Variants in MUC5AC observed in about 807,000 individuals in gnomAD.
MUC5AC encodes the protein mucin 5AC, oligomeric mucus/gel-forming.
In MUC5AC, 158 loss-of-function variants were observed where a neutral mutation model predicts 169.7. The observed-to-expected ratio is 0.93, with a 90% CI of 0.82 to 1.06. The LOEUF (loss-of-function observed/expected upper bound fraction) is 1.06. MUC5AC is among the 50% of genes least tolerant of loss of function. MUC5AC has a pLI of 0.00. For missense variants in MUC5AC, 4,359 were observed against 3,089.9 expected (o/e 1.41, Z -9.74); for synonymous variants, 1,975 against 1,237.0 (o/e 1.60, Z -12.52).
Position 1,195,234 on chromosome 11 carries a change from C to T in MUC5AC, c.15413C>T (p.Pro5138Leu). The stretch of plus-strand genomic sequence containing the variant: ...ACCACGGTCGGGCCCACCACACCGC[C>T]TGCTCCGTGCCTGCCATCACCCATC... ...GSTTVGPTTP[P>L]APCLPSPICQ... The change falls in exon 36 of 49, where the codon CCT becomes CTT. Residue 5138 changes from proline to leucine, a missense_variant. Transcript: ENST00000621226. 1 of 760,554 alleles carries T rather than the reference C, an allele frequency of 1.3e-6. No individual in the cohort carries two copies. Among genetic ancestry groups the T allele is most frequent in the Non-Finnish European group, 2.4e-6 (1 of 416,348 alleles). 47.1% of individuals were successfully genotyped at this position (760,554 alleles called of 1,614,324 possible).
chr11:1,192,448 G>C lies in MUC5AC; in HGVS notation c.14303G>C (p.Ser4768Thr), dbSNP rs199611002. ...ASVASTSVAS[S>T]SVASSSVAYS... ...GTGGCATCCACCTCTGTGGCATCCA[G>C]CTCTGTGGCATCCAGCTCTGTGGCT... is the stretch of plus-strand genomic sequence containing the variant. The change falls in exon 31 of 49, where the codon AGC becomes ACC. Residue 4768 changes from serine to threonine, a missense_variant. Ser to Thr is a moderately conservative substitution (Grantham distance 58, BLOSUM62 1). Transcript: ENST00000621226. 76 of 764,676 alleles carry C rather than the reference G, an allele frequency of 9.9e-5. No homozygotes were observed. Among genetic ancestry groups the C allele is most frequent in the Non-Finnish European group, 1.5e-4 (62 of 417,786 alleles). The allele number at this position is 764,676 out of a possible 1,614,324, so 47.4% of individuals were successfully genotyped here.
Position 1,193,510 on chromosome 11 carries a change from A to G in MUC5AC, c.14606A>G (p.Asn4869Ser), listed in dbSNP as rs1315888196. ...AAAGGTGAGACCTGGGCCACACCCA[A>G]CTGCTCCGAGGCCACCTGTGAGGGC... The part of the protein sequence containing the change: ...RKKGETWATP[N>S]CSEATCEGNN... The change falls in exon 33 of 49, where the codon AAC becomes AGC. Residue 4869 changes from asparagine (N) to serine (S), a missense_variant. Coordinates refer to ENST00000621226, the MANE Select transcript of MUC5AC (RefSeq NM_001304359.2). 1.3e-6 allele frequency: 1 copy of G among 752,402 alleles called. No individual in the cohort carries two copies. The highest frequency in any genetic ancestry group is 2.4e-6 in the Non-Finnish European group (1 of 412,230). 46.6% of individuals were successfully genotyped at this position (752,402 alleles called of 1,614,324 possible). A position where few individuals can be genotyped will look rare whatever the true frequency, so the allele number is the denominator to read the frequency against.
chr11:1,163,994 A>G lies in MUC5AC; in HGVS notation c.789+3A>G. On this transcript the variant is annotated splice_donor_region_variant and intron_variant, in intron 7 of 48. Transcript: ENST00000621226. ...CGAGGAACTGCTCCACTGGCTTTGT[A>G]AGCCTTGGAGGGAACAGAGGGCCCA... 6.2e-7 allele frequency: 1 copy of G among 1,610,166 alleles called. No homozygotes were observed. Among genetic ancestry groups the G allele is most frequent in the Non-Finnish European group, 8.5e-7 (1 of 1,178,738 alleles).
At chr11:1,168,322 G>A (rs1007123889) in intron 12 of MUC5AC, among the ~76,000 whole-genome samples, 161 bp from the exon 13 acceptor site, 8 of 152,090 alleles carry the variant, frequency 5.3e-5, no homozygotes, top group African/African-American at 1.9e-4. Context: ...CATGGTCCTC[G>A]CAGAAAATTC....
At position 1,198,821 on chromosome 11, in the gene MUC5AC, G is replaced by A. The variant is rs1160191146; in HGVS notation, c.16174-53G>A. The A allele has an allele frequency of 1.9e-5, 13 of 685,094 alleles. 1 individual carries two copies. The highest frequency in any genetic ancestry group is 3.5e-5 in the African/African-American group (2 of 56,972). The allele number at this position is 685,094 out of a possible 1,614,324, so 42.4% of individuals were successfully genotyped here. ...AGCAAGCCAGTGGGGAGGCAGGGGC[G>A]GGTCTCCCCAGGGCCCAAGCTCATG... is the stretch of plus-strand genomic sequence containing the variant. On this transcript the variant is annotated intron_variant, in intron 43 of 48. Transcript: ENST00000621226.
chr11:1,161,258 T>C (rs962392996), intron 2 of MUC5AC, among the ~76,000 whole-genome samples: 1 of 151,270 alleles, frequency 6.6e-6, no homozygotes, highest in African/African-American at 2.4e-5. Context: ...CTGAGGCCCA[T>C]GGGCATGTGA....
In MUC5AC at chr11:1,191,589, A is replaced by T. The variant is rs1861099374; in HGVS notation, c.13444A>T (p.Ser4482Cys). 2.7e-6 allele frequency: 2 copies of T among 742,446 alleles called. No homozygotes were observed. Among genetic ancestry groups the T allele is most frequent in the Non-Finnish European group, 4.9e-6 (2 of 408,196 alleles). The allele number at this position is 742,446 out of a possible 1,614,324, so 46.0% of individuals were successfully genotyped here. The stretch of plus-strand genomic sequence containing the variant: ...GACCTCTGGTCCTGGAACTACTCCC[A>T]GCCCTGTTCCCACCACCAGCACAAC... ...SMTSGPGTTP[S>C]PVPTTSTTSA... The change falls in exon 31 of 49, where the codon AGC (serine) becomes TGC (cysteine). Residue 4482 changes from serine (S) to cysteine (C), a missense_variant. Physicochemically the swap from Ser to Cys is moderately radical, Grantham distance 112. Coordinates refer to ENST00000621226, the MANE Select transcript of MUC5AC (RefSeq NM_001304359.2).
chr11:1,167,267 A>C, intron 11 of MUC5AC, among the ~76,000 whole-genome samples: 1 of 130,350 alleles, frequency 7.7e-6, no homozygotes, highest in Non-Finnish European at 1.6e-5. Context: ...CCCAGATGAG[A>C]CTCTGCACCC....
chr11:1,199,502 G>C lies in MUC5AC; in HGVS notation c.16515+12G>C, dbSNP rs935948998. 2 of 705,566 alleles carry C rather than the reference G, an allele frequency of 2.8e-6. No homozygotes were observed. The highest frequency in any genetic ancestry group is 3.5e-5 in the African/African-American group (2 of 57,370). 43.7% of individuals were successfully genotyped at this position (705,566 alleles called of 1,614,324 possible). ...TCAGCTGTTCTCTGGTGAGGTCCAG[G>C]ATCCCCGCTCCAGCCAAGGGGGGCT... is the stretch of plus-strand genomic sequence containing the variant. On this transcript the variant is annotated intron_variant, in intron 46 of 48. Coordinates refer to ENST00000621226, the MANE Select transcript of MUC5AC (RefSeq NM_001304359.2).
chr11:1,181,505 C>T (rs1474951829), intron 30 of MUC5AC, 46 bp downstream of exon 30: 2 of 393,244 alleles, frequency 5.1e-6, no homozygotes, highest in Non-Finnish European at 9.0e-6. Flanking sequence ...CCCCCTCCCA[C>T]TGCCTGGCAC....
chr11:1,157,991 GTCCACACAAT>G lies in MUC5AC; in HGVS notation c.-8_2del, dbSNP rs1564903721. 1.3e-6 allele frequency: 2 copies of G among 1,585,648 alleles called. No homozygotes were observed. Among genetic ancestry groups the G allele is most frequent in the South Asian group, 2.3e-5 (2 of 86,702 alleles). ...GAGGGACAGGGCACTCTTCCCCGCC[GTCCACACAAT>G]GAGTGTTGGCCGGAGGAAGCTGGCC... On this transcript the variant is annotated start_lost and 5_prime_UTR_variant, in exon 1 of 49. Coordinates refer to ENST00000621226, the MANE Select transcript of MUC5AC (RefSeq NM_001304359.2).
intron 1 of MUC5AC, 32 bp from the exon 2 acceptor site, chr11:1,160,580 A>G (rs181232490): frequency 1.0e-5 from 16 of 1,585,990 alleles, no homozygotes; most frequent in African/African-American, 6.7e-5. Context: ...GCCACCCTGC[A>G]TCTGGGCTCA....
chr11:1,162,437 G>C lies in MUC5AC; in HGVS notation c.474-95G>C, dbSNP rs567126846. ...ATCCCAGACGCGACTTCACGGTCAC[G>C]ATGACCGTGTCACATTTGCGACCGC... is the stretch of plus-strand genomic sequence containing the variant. On this transcript the variant is annotated intron_variant, in intron 4 of 48. Transcript: ENST00000621226. The C allele has an allele frequency of 6.8e-6, 8 of 1,182,744 alleles. No homozygotes were observed. The South Asian group carries it at 9.4e-5, about 14-fold the overall frequency. 73.3% of individuals were successfully genotyped at this position (1,182,744 alleles called of 1,614,324 possible).
At position 1,195,232 on chromosome 11, in the gene MUC5AC, G is replaced by C. The variant is rs543190470; in HGVS notation, c.15411G>C (p.Pro5137=). ...CTACCACGGTCGGGCCCACCACACC[G>C]CCTGCTCCGTGCCTGCCATCACCCA... ...VGSTTVGPTT[P]PAPCLPSPIC... The change falls in exon 36 of 49, where the codon CCG becomes CCC. Residue 5137 remains proline, a synonymous_variant. Transcript: ENST00000621226. The C allele has an allele frequency of 1.2e-4, 93 of 759,992 alleles. 4 individuals carry two copies. The African/African-American group carries it at 1.3e-3, about 11-fold the overall frequency. The allele number at this position is 759,992 out of a possible 1,614,324, so 47.1% of individuals were successfully genotyped here.
At chr11:1,196,743 G>T (rs747124714) in intron 39 of MUC5AC, 23 bp downstream of exon 39, 1 of 741,450 alleles carries the variant, frequency 1.3e-6, no homozygotes, top group Admixed American at 1.8e-5. Context: ...GGCCGGGGCT[G>T]GGGGGTGTGG....
intron 2 of MUC5AC, 30 bp from the exon 3 acceptor site, chr11:1,161,497 C>G: frequency 6.4e-7 from 1 of 1,553,700 alleles, no homozygotes. Flanking sequence ...TGGGGCCGTG[C>G]GTGAATCCTA....
At chr11:1,158,723 C>T (rs1564904037) in intron 1 of MUC5AC, among the ~76,000 whole-genome samples, 2 of 152,192 alleles carry the variant, frequency 1.3e-5, no homozygotes, top group South Asian at 4.1e-4. Context: ...GACCATGTGC[C>T]CCCATGGGGT....
rs780962668 is a variant in MUC5AC, at chr11:1,195,110, C to T, written c.15289C>T (p.Pro5097Ser). The T allele has an allele frequency of 1.3e-6, 1 of 763,812 alleles. No individual in the cohort carries two copies. The highest frequency in any genetic ancestry group is 2.4e-6 in the Non-Finnish European group (1 of 417,518). 47.3% of individuals were successfully genotyped at this position (763,812 alleles called of 1,614,324 possible). ...EMSGLWNVSI[P>S]DQPACHRPHP... ...GTCCGGCCTCTGGAACGTGAGCATA[C>T]CCGACCAGCCAGCCTGCCACCGGCC... The change falls in exon 36 of 49, where the codon CCC becomes TCC. Residue 5097 changes from proline (P) to serine (S), a missense_variant. Coordinates refer to ENST00000621226, the MANE Select transcript of MUC5AC (RefSeq NM_001304359.2).
At chr11:1,170,885 T>C (rs1253030763) in intron 15 of MUC5AC, among the ~76,000 whole-genome samples, 1 of 125,164 alleles carries the variant, frequency 8.0e-6, no homozygotes, top group African/African-American at 3.2e-5. Context: ...GCCCACTCAC[T>C]CACCTCACTC....
Sources: allele counts gnomAD v4.1 joint callset (sites outside exome capture counted in the v4.1 genomes callset), GRCh38; gene constraint gnomAD v4.1.1; transcripts MANE v1.5; gene names NCBI Gene and HGNC (gene_info 2026-07-23, HGNC 2026-07-21).